NYNRIN: variants seen among roughly 807,000 people sequenced by gnomAD.
NYNRIN encodes the protein NYN domain and retroviral integrase containing, also known as protein NYNRIN.
Under a neutral mutation model 146.6 loss-of-function variants are expected in NYNRIN, and 86 were observed. That is an observed-to-expected ratio of 0.59 (90% CI 0.49 to 0.70). NYNRIN has a LOEUF of 0.70. NYNRIN is among the 30% of genes least tolerant of loss of function. The pLI is 0.00. For synonymous variants in NYNRIN, 1,027 were observed against 1,001.3 expected (o/e 1.03, Z -0.48); for missense variants, 2,191 against 2,377.7 (o/e 0.92, Z 1.63).
At position 24,418,220 on chromosome 14, in the gene NYNRIN, G is replaced by A. The variant is rs1594744913; in HGVS notation, c.*774G>A. On this transcript the variant is annotated 3_prime_UTR_variant, in exon 9 of 9. Coordinates refer to ENST00000382554, the MANE Select transcript of NYNRIN (RefSeq NM_025081.3). ...TGCTTTGATGGTGTTGACCCCACAGGAATCAAGGATCTTGATGCCAAGTGT... is the reference window on the plus strand; with the variant it reads ...TGCTTTGATGGTGTTGACCCCACAGAAATCAAGGATCTTGATGCCAAGTGT... The A allele has an allele frequency of 2.2e-6, 1 of 455,996 alleles. No individual in the cohort carries two copies. The highest frequency in any genetic ancestry group is 7.0e-5 in the East Asian group (1 of 14,300). 28.2% of individuals were successfully genotyped at this position (455,996 alleles called of 1,614,324 possible).
In NYNRIN at chr14:24,417,472, C is replaced by A. The variant is rs771516657; in HGVS notation, c.*26C>A. ...GCGGGAGCAGCGGGGGTGCCCCCTG[C>A]CCCAGGGCCGTGGGTTTCTGCTGCT... On this transcript the variant is annotated 3_prime_UTR_variant, in exon 9 of 9. Transcript: ENST00000382554. The A allele has an allele frequency of 2.5e-5, 36 of 1,444,778 alleles. No homozygotes were observed. The highest frequency in any genetic ancestry group is 3.3e-5 in the Non-Finnish European group (36 of 1,101,298). 89.5% of individuals were successfully genotyped at this position (1,444,778 alleles called of 1,614,324 possible).
Position 24,409,576 on chromosome 14 carries a change from G to T in NYNRIN, c.1782G>T (p.Lys594Asn), listed in dbSNP as rs1238777240. The change falls in exon 4 of 9, where the codon AAG (lysine) becomes AAT (asparagine). Residue 594 changes from lysine (K) to asparagine (N), a missense_variant. Physicochemically the swap from Lys to Asn is moderately conservative, Grantham distance 94 (BLOSUM62 0). Transcript: ENST00000382554. Reference protein sequence around the residue: ...AAPEVPLAPTKPTAQLMATAQ... With the variant: ...AAPEVPLAPTNPTAQLMATAQ... ...CCGAAGTGCCTTTGGCTCCAACAAAGCCAACAGCTCAACTGATGGCCACAG... is the reference window on the plus strand; with the variant it reads ...CCGAAGTGCCTTTGGCTCCAACAAATCCAACAGCTCAACTGATGGCCACAG... 6.2e-7 allele frequency: 1 copy of T among 1,610,886 alleles called. No homozygotes were observed. The highest frequency in any genetic ancestry group is 8.5e-7 in the Non-Finnish European group (1 of 1,178,522).
chr14:24,417,313 G>T lies in NYNRIN; in HGVS notation c.5564G>T (p.Arg1855Leu). ...KWVGPFYIGD[R>L]LSLSLYRIWG... ...GTGGGTCCCTTCTATATCGGGGACC[G>T]GCTGAGCCTGTCACTCTATAGGATA... is the stretch of plus-strand genomic sequence containing the variant. The change falls in exon 9 of 9, where the codon CGG (arginine) becomes CTG (leucine). Residue 1855 changes from arginine to leucine, a missense_variant. Around this residue, in one of 3 missense-constraint regions of NYNRIN, gnomAD observed 1,291 missense variants for 1,417.0 expected, o/e 0.91. Coordinates refer to ENST00000382554, the MANE Select transcript of NYNRIN (RefSeq NM_025081.3). The T allele has an allele frequency of 6.2e-7, 1 of 1,612,518 alleles. No individual in the cohort carries two copies. Among genetic ancestry groups the T allele is most frequent in the African/African-American group, 1.3e-5 (1 of 75,050 alleles).
At position 24,417,327 on chromosome 14, in the gene NYNRIN, C is replaced by G. The variant is rs1174108616; in HGVS notation, c.5578C>G (p.Leu1860Val). The change falls in exon 9 of 9, where the codon CTC (leucine) becomes GTC (valine). Residue 1860 changes from leucine (L) to valine (V), a missense_variant. Physicochemically the swap from Leu to Val is conservative, Grantham distance 32. Around this residue, in one of 3 missense-constraint regions of NYNRIN, gnomAD observed 1,291 missense variants for 1,417.0 expected, o/e 0.91. Coordinates refer to ENST00000382554, the MANE Select transcript of NYNRIN (RefSeq NM_025081.3). ...FYIGDRLSLSLYRIWGFPTPE... is the reference protein window; with the variant it reads ...FYIGDRLSLSVYRIWGFPTPE... ...TATCGGGGACCGGCTGAGCCTGTCA[C>G]TCTATAGGATATGGGGCTTCCCAAC... is the stretch of plus-strand genomic sequence containing the variant. 6.2e-7 allele frequency: 1 copy of G among 1,611,058 alleles called. No individual in the cohort carries two copies. Among genetic ancestry groups the G allele is most frequent in the East Asian group, 2.2e-5 (1 of 44,756 alleles).
Position 24,399,345 on chromosome 14 carries a change from C to T in NYNRIN, c.99C>T (p.Arg33=), listed in dbSNP as rs753107539. ...RVQRQRLQVQ[R]IFRVKLNAFQ... ...AGCGGCAGCGGCTGCAAGTGCAGCG[C>T]ATCTTTAGGGTCAAGCTGAACGCCT... Residue 33 remains arginine, a synonymous_variant, in exon 2 of 9, where the codon CGC becomes CGT. Transcript: ENST00000382554. 6.2e-7 allele frequency: 1 copy of T among 1,613,838 alleles called. No individual in the cohort carries two copies. The highest frequency in any genetic ancestry group is 8.5e-7 in the Non-Finnish European group (1 of 1,179,842).
In NYNRIN at chr14:24,408,827, C is replaced by T. The variant is rs1362375049; in HGVS notation, c.1033C>T (p.Pro345Ser). Residue 345 changes from proline (P) to serine (S), a missense_variant, in exon 4 of 9, where the codon CCA (proline) becomes TCA (serine). Physicochemically the swap from Pro to Ser is moderately conservative, Grantham distance 74. Coordinates refer to ENST00000382554, the MANE Select transcript of NYNRIN (RefSeq NM_025081.3). ...TCCAGTATCAGCCCTGGGTGTGTGCCCACCCTGGAAGGCCTGGACCCCGGG... is the reference window on the plus strand; with the variant it reads ...TCCAGTATCAGCCCTGGGTGTGTGCTCACCCTGGAAGGCCTGGACCCCGGG... ...QPPVSALGVC[P>S]PWKAWTPGPA... is the part of the protein sequence containing the mutation. The T allele has an allele frequency of 1.2e-6, 2 of 1,613,894 alleles. No individual in the cohort carries two copies. Among genetic ancestry groups the T allele is most frequent in the African/African-American group, 2.7e-5 (2 of 74,934 alleles).
chr14:24,402,031 G>T (rs77065166), intron 2 of NYNRIN, among the ~76,000 whole-genome samples: 1 of 152,168 alleles, frequency 6.6e-6, no homozygotes, highest in Non-Finnish European at 1.5e-5. Context: ...TTGCAGGACT[G>T]GGGGAGGGCT....
chr14:24,409,713 C>T lies in NYNRIN; in HGVS notation c.1919C>T (p.Pro640Leu). The T allele has an allele frequency of 6.2e-7, 1 of 1,606,398 alleles. No homozygotes were observed. The highest frequency in any genetic ancestry group is 8.5e-7 in the Non-Finnish European group (1 of 1,176,434). ...GTAGCAAAAACATCACCTGCAGGTCCCAAAACACCCAAAGCTCAAGCCGGG... is the reference window on the plus strand; with the variant it reads ...GTAGCAAAAACATCACCTGCAGGTCTCAAAACACCCAAAGCTCAAGCCGGG... ...MPVAKTSPAG[P>L]KTPKAQAGPA... The change falls in exon 4 of 9, where the codon CCC (proline) becomes CTC (leucine). Residue 640 changes from proline to leucine, a missense_variant. Physicochemically the swap from Pro to Leu is moderately conservative, Grantham distance 98. Around this residue, in one of 3 missense-constraint regions of NYNRIN, gnomAD observed 895 missense variants for 941.2 expected, o/e 0.95. Coordinates refer to ENST00000382554, the MANE Select transcript of NYNRIN (RefSeq NM_025081.3).
In NYNRIN at chr14:24,409,003, G is replaced by T; in HGVS notation, c.1209G>T (p.Lys403Asn). Residue 403 changes from lysine (K) to asparagine (N), a missense_variant, in exon 4 of 9, where the codon AAG becomes AAT. Physicochemically the swap from Lys to Asn is moderately conservative, Grantham distance 94. Coordinates refer to ENST00000382554, the MANE Select transcript of NYNRIN (RefSeq NM_025081.3). ...WQRPLGPIQL[K>N]LPGQNPLPLN... ...GACCTCTGGGCCCCATTCAGTTGAA[G>T]CTGCCAGGGCAGAATCCTTTGCCCT... 6.2e-7 allele frequency: 1 copy of T among 1,613,666 alleles called. No individual in the cohort carries two copies. The highest frequency in any genetic ancestry group is 8.5e-7 in the Non-Finnish European group (1 of 1,179,784).
rs750261872 is a variant in NYNRIN, at chr14:24,409,401, G to C, written c.1607G>C (p.Gly536Ala). The C allele has an allele frequency of 4.3e-6, 7 of 1,613,892 alleles. No individual in the cohort carries two copies. Among genetic ancestry groups the C allele is most frequent in the Non-Finnish European group, 5.1e-6 (6 of 1,179,904 alleles). ...GGGCTGACAGATCAGTCAGTACCTGGAGCTCAAACAGTGCCTGAAACTCTC... is the reference window on the plus strand; with the variant it reads ...GGGCTGACAGATCAGTCAGTACCTGCAGCTCAAACAGTGCCTGAAACTCTC... ...QGGLTDQSVP[G>A]AQTVPETLKV... The change falls in exon 4 of 9, where the codon GGA becomes GCA. Residue 536 changes from glycine to alanine, a missense_variant. Gly to Ala is a moderately conservative substitution (Grantham distance 60, BLOSUM62 0). Transcript: ENST00000382554.
intron 2 of NYNRIN, among the ~76,000 whole-genome samples, chr14:24,404,364 C>T (rs981572876): frequency 9.2e-5 from 14 of 152,254 alleles, no homozygotes; most frequent in Middle Eastern, 3.4e-3. Flanking sequence ...TAGTATCCTA[C>T]GCTTTTTAAA....
At chr14:24,405,177 T>C (rs548738271) in intron 2 of NYNRIN, among the ~76,000 whole-genome samples, 2 of 152,226 alleles carry the variant, frequency 1.3e-5, no homozygotes, top group African/African-American at 4.8e-5. Context: ...TTCCAGAGTT[T>C]CTTGTTGTTG....
chr14:24,414,617 C>T lies in NYNRIN; in HGVS notation c.2868C>T (p.Asn956=), dbSNP rs746929431. 4.3e-6 allele frequency: 7 copies of T among 1,612,150 alleles called. No individual in the cohort carries two copies. The highest frequency in any genetic ancestry group is 5.9e-6 in the Non-Finnish European group (7 of 1,178,638). Residue 956 remains asparagine, a synonymous_variant, in exon 9 of 9, where the codon AAC becomes AAT. Transcript: ENST00000382554. ...KPNRLDTDIG[N]FLKVWKTLPP... is the part of the protein sequence containing the mutation. ...GTAGGTTGGACACTGACATTGGCAA[C>T]TTCCTGAAGGTGTGGAAGACCCTTC... is the stretch of plus-strand genomic sequence containing the variant.
chr14:24,409,325 G>A lies in NYNRIN; in HGVS notation c.1531G>A (p.Gly511Arg), dbSNP rs369906228. 32 of 1,613,956 alleles carry A rather than the reference G, an allele frequency of 2.0e-5. No homozygotes were observed. In the African/African-American group the frequency reaches 3.6e-4, roughly 18 times the overall value. Reference protein sequence around the residue: ...MQLDFKGLEEGPAPVLPTGQG... With the variant: ...MQLDFKGLEERPAPVLPTGQG... ...GTTAGATTTTAAGGGACTGGAAGAG[G>A]GACCCGCTCCAGTGCTGCCAACAGG... Residue 511 changes from glycine (G) to arginine (R), a missense_variant, in exon 4 of 9, where the codon GGA (glycine) becomes AGA (arginine). Physicochemically the swap from Gly to Arg is moderately radical, Grantham distance 125. This residue lies in a region of NYNRIN where 895 missense variants were observed against 941.2 expected (regional missense o/e 0.95). Transcript: ENST00000382554.
intron 6 of NYNRIN, chr14:24,412,779 AT>A: frequency 2.2e-6 from 1 of 451,504 alleles, no homozygotes; most frequent in Non-Finnish European, 4.0e-6. Context: ...GAATGCGTGC[AT>A]CCAAGGTCAC....
intron 7 of NYNRIN, 75 bp from the exon 8 acceptor site, chr14:24,413,241 A>C: frequency 6.9e-7 from 1 of 1,457,516 alleles, no homozygotes; most frequent in Non-Finnish European, 9.4e-7. Flanking sequence ...AGCGCCATGG[A>C]GAAGCCAGGC....
Position 24,416,794 on chromosome 14 carries a change from G to A in NYNRIN, c.5045G>A (p.Gly1682Glu), listed in dbSNP as rs1337793954. Reference sequence around the variant, plus strand: ...CCTGTGAGGCTGGAGGCAGCCCAGGGGCCCCAGTTTGCCCGGCACGTCCTT... The same window carrying A: ...CCTGTGAGGCTGGAGGCAGCCCAGGAGCCCCAGTTTGCCCGGCACGTCCTT... ...GVPVRLEAAQ[G>E]PQFARHVLVS... The change falls in exon 9 of 9, where the codon GGG becomes GAG. Residue 1682 changes from glycine (G) to glutamate (E), a missense_variant. Around this residue, in one of 3 missense-constraint regions of NYNRIN, gnomAD observed 1,291 missense variants for 1,417.0 expected, o/e 0.91. Coordinates refer to ENST00000382554, the MANE Select transcript of NYNRIN (RefSeq NM_025081.3). 2 of 1,612,966 alleles carry A rather than the reference G, an allele frequency of 1.2e-6. No individual in the cohort carries two copies. Among genetic ancestry groups the A allele is most frequent in the South Asian group, 1.1e-5 (1 of 91,044 alleles).
intron 8 of NYNRIN, 32 bp from the exon 9 acceptor site, chr14:24,414,564 T>G: frequency 6.4e-7 from 1 of 1,569,898 alleles, no homozygotes; most frequent in Non-Finnish European, 8.6e-7. Context: ...ACGATGGGGC[T>G]GCCCTTCCCT....
chr14:24,412,047 T>C (rs2042915855), intron 6 of NYNRIN, among the ~76,000 whole-genome samples: 1 of 152,080 alleles, frequency 6.6e-6, no homozygotes, highest in Non-Finnish European at 1.5e-5. Flanking sequence ...TGGTCCTGGG[T>C]TGGAGTTGAT....
Sources: allele counts gnomAD v4.1 joint callset (sites outside exome capture counted in the v4.1 genomes callset), GRCh38; gene constraint gnomAD v4.1.1; regional missense constraint gnomAD v4.1.1; transcripts MANE v1.5; gene names NCBI Gene and HGNC (gene_info 2026-07-23, HGNC 2026-07-21).